Variants in ASAP3 observed in about 807,000 individuals in gnomAD.
The protein encoded by ASAP3 is ArfGAP with SH3 domain, ankyrin repeat and PH domain 3.
ASAP3 carries 85 observed loss-of-function variants against 118.2 expected under a neutral mutation model. The ratio of observed to expected loss-of-function variants is 0.72; its 90% CI spans 0.60 to 0.86. ASAP3 has a LOEUF of 0.86. Ranked by LOEUF, ASAP3 falls within the 40% of genes least tolerant of loss-of-function variation. The pLI is 0.00. For synonymous variants in ASAP3, 432 were observed against 477.4 expected (o/e 0.90, Z 1.24); for missense variants, 1,026 against 1,175.0 (o/e 0.87, Z 1.85).
intron 1 of ASAP3, among the ~76,000 whole-genome samples, chr1:23,476,270 C>T (rs1642125655): frequency 6.6e-6 from 1 of 151,460 alleles, no homozygotes; most frequent in Admixed American, 6.6e-5. Context: ...CGCTTGAACC[C>T]GGGAGGTGGA....
At position 23,436,741 on chromosome 1, in the gene ASAP3, C is replaced by T. The variant is rs1204142717; in HGVS notation, c.1477-87G>A. 3 of 1,574,032 alleles carry T rather than the reference C, an allele frequency of 1.9e-6. No individual in the cohort carries two copies. Among genetic ancestry groups the T allele is most frequent in the African/African-American group, 2.7e-5 (2 of 74,238 alleles). ...GTGGAGCTCCAAGCCCCCAGAGTCCCGCCCCTCGGCCGCCCTCCCGGTTCA... is the reference window on the plus strand; with the variant it reads ...GTGGAGCTCCAAGCCCCCAGAGTCCTGCCCCTCGGCCGCCCTCCCGGTTCA... On this transcript the variant is annotated intron_variant, in intron 15 of 24. Coordinates refer to ENST00000336689, the MANE Select transcript of ASAP3 (RefSeq NM_017707.4). The surrounding 1 kb of genome is among the most constrained non-coding windows in gnomAD (Gnocchi z 4.2).
At chr1:23,452,503 G>A (rs1249530746) in intron 4 of ASAP3, among the ~76,000 whole-genome samples, 194 bp downstream of exon 4, 1 of 152,078 alleles carries the variant, frequency 6.6e-6, no homozygotes, top group Non-Finnish European at 1.5e-5. Flanking sequence ...TTCACACAAG[G>A]GGCCTGGCAG....
intron 5 of ASAP3, among the ~76,000 whole-genome samples, chr1:23,449,198 T>C (rs768679691): frequency 6.6e-6 from 1 of 152,214 alleles, no homozygotes; most frequent in African/African-American, 2.4e-5. Context: ...CTTCCTGTGT[T>C]ATTCTGGTCC....
At chr1:23,478,110 T>C (rs555930901) in intron 1 of ASAP3, among the ~76,000 whole-genome samples, 11 of 152,354 alleles carry the variant, frequency 7.2e-5, no homozygotes, top group South Asian at 2.1e-4. Context: ...GAATGCTCAA[T>C]TGGCATTCAA....
chr1:23,465,698 C>T (rs1272597009), intron 1 of ASAP3, among the ~76,000 whole-genome samples: 3 of 152,028 alleles, frequency 2.0e-5, no homozygotes, highest in Non-Finnish European at 2.9e-5. Flanking sequence ...GACAGGGTTT[C>T]GCCATCTTGA....
intron 1 of ASAP3, among the ~76,000 whole-genome samples, chr1:23,460,876 C>A (rs932267626): frequency 2.0e-5 from 3 of 152,130 alleles, no homozygotes; most frequent in Non-Finnish European, 4.4e-5. Context: ...AAATATTATT[C>A]ATCACTGAAA....
rs1040699924 is a variant in ASAP3 at position 23,436,247 on chromosome 1, C to G, written c.1572-219G>C. The stretch of plus-strand genomic sequence containing the variant: ...GCGCAATCTCGTTTCACTACAACCT[C>G]TGCTTCCAGGGTTCAAGCAATTCTA... On this transcript the variant is annotated intron_variant, in intron 16 of 24. Transcript: ENST00000336689. This position sits in a 1 kb window ranked among gnomAD's most constrained non-coding sequence, Gnocchi z 4.2. 3.3e-5 allele frequency among the ~76,000 whole-genome samples: 5 copies of G among 152,246 alleles called. No individual in the cohort carries two copies. The highest frequency in any genetic ancestry group is 7.3e-5 in the Non-Finnish European group (5 of 68,048).
At position 23,437,176 on chromosome 1, in the gene ASAP3, C is replaced by A; in HGVS notation, c.1296G>T (p.Val432=). 1 of 1,608,100 alleles carries A rather than the reference C, an allele frequency of 6.2e-7. No individual in the cohort carries two copies. The highest frequency in any genetic ancestry group is 8.5e-7 in the Non-Finnish European group (1 of 1,177,642). Residue 432 remains valine (V), a synonymous_variant, in exon 14 of 25, where the codon GTG becomes GTT. Transcript: ENST00000336689. The surrounding 1 kb of genome is among the most constrained non-coding windows in gnomAD (Gnocchi z 6.1). ...ACTGGCTATTCCCAGGCCTGCTCTT[C>A]ACCTCCGCGATGAGCAGCTTTGTGA... The part of the protein sequence containing the change: ...HDLTKLLIAE[V]KSRPGNSQCC...
At chr1:23,444,892 C>G (rs1640999872) in intron 5 of ASAP3, among the ~76,000 whole-genome samples, 1 of 151,438 alleles carries the variant, frequency 6.6e-6, no homozygotes, top group Admixed American at 6.6e-5. Flanking sequence ...GACCTCCACC[C>G]ACTAGCTGCC....
At chr1:23,442,824 C>T (rs1558131498) in intron 5 of ASAP3, among the ~76,000 whole-genome samples, 1 of 152,106 alleles carries the variant, frequency 6.6e-6, no homozygotes, top group Non-Finnish European at 1.5e-5. Context: ...ACGCAGAGAA[C>T]TATGGGAGAG....
Position 23,442,505 on chromosome 1 carries a change from C to T in ASAP3, c.581G>A (p.Cys194Tyr). 2 of 1,613,598 alleles carry T rather than the reference C, an allele frequency of 1.2e-6. No individual in the cohort carries two copies. The highest frequency in any genetic ancestry group is 1.7e-5 in the Admixed American group (1 of 60,010). Residue 194 changes from cysteine (C) to tyrosine (Y), a missense_variant, in exon 6 of 25, where the codon TGT becomes TAT. Cys to Tyr is a radical substitution (Grantham distance 194, BLOSUM62 -2). Transcript: ENST00000336689. ...CTCATCCAGAGCACCCCTTACCTCA[C>T]ACATGTGCAGCTGGAAGATGCGCCG... ...RERRIFQLHM[C>Y]EYLLKAGESQ...
At chr1:23,463,921 C>T (rs1197079556) in intron 1 of ASAP3, among the ~76,000 whole-genome samples, 3 of 152,076 alleles carry the variant, frequency 2.0e-5, no homozygotes, top group Non-Finnish European at 4.4e-5. Flanking sequence ...TACTGTGAGG[C>T]TTAATGAGAT....
At chr1:23,482,701 C>A (rs933758118) in intron 1 of ASAP3, among the ~76,000 whole-genome samples, 1 of 152,050 alleles carries the variant, frequency 6.6e-6, no homozygotes, top group African/African-American at 2.4e-5. Context: ...GTAATCCCAG[C>A]ACTTTGGGAG....
At chr1:23,471,316 G>A (rs1024984935) in intron 1 of ASAP3, among the ~76,000 whole-genome samples, 2 of 152,100 alleles carry the variant, frequency 1.3e-5, no homozygotes, top group Admixed American at 6.6e-5. Flanking sequence ...CAACAGAACT[G>A]ATCCTGCCTA....
intron 5 of ASAP3, among the ~76,000 whole-genome samples, chr1:23,445,901 G>C (rs377576749): frequency 6.6e-6 from 1 of 151,928 alleles, no homozygotes; most frequent in African/African-American, 2.4e-5. Context: ...AGGATCACTT[G>C]AGCCCAGGAG....
intron 5 of ASAP3, among the ~76,000 whole-genome samples, chr1:23,450,757 G>A (rs1001189083): frequency 1.3e-5 from 2 of 152,092 alleles, no homozygotes; most frequent in Non-Finnish European, 2.9e-5. Flanking sequence ...CAAAATGCAA[G>A]AGAAAACAAA....
chr1:23,439,247 TAGA>T lies in ASAP3; in HGVS notation c.945-20_945-18del, dbSNP rs1443781913. ...CTTCGAATTCTAAAGCCCAGAGGGA[TAGA>T]AGGACAGTGACCCAAGGCTCACACC... On this transcript the variant is annotated intron_variant, in intron 10 of 24. Coordinates refer to ENST00000336689, the MANE Select transcript of ASAP3 (RefSeq NM_017707.4). 1.1e-5 allele frequency: 18 copies of T among 1,613,322 alleles called. No individual in the cohort carries two copies. Among genetic ancestry groups the T allele is most frequent in the African/African-American group, 5.3e-5 (4 of 74,914 alleles).
chr1:23,449,727 A>G (rs1021527709), intron 5 of ASAP3, among the ~76,000 whole-genome samples: 2 of 152,210 alleles, frequency 1.3e-5, no homozygotes, highest in Non-Finnish European at 2.9e-5. Flanking sequence ...TCCAGGTCCT[A>G]TCGATAACTC....
chr1:23,437,385 A>C lies in ASAP3; in HGVS notation c.1151+39T>G, dbSNP rs773737179. 52 of 1,611,644 alleles carry C rather than the reference A, an allele frequency of 3.2e-5. 1 individual carries two copies. Among genetic ancestry groups the C allele is most frequent in the Non-Finnish European group, 4.2e-5 (50 of 1,178,798 alleles). On this transcript the variant is annotated intron_variant, in intron 13 of 24. Transcript: ENST00000336689. This position sits in a 1 kb window ranked among gnomAD's most constrained non-coding sequence, Gnocchi z 6.1. ...GGAAGAGATAGGGCCGCCGGCCCCC[A>C]CCCACAAGGCTGGCCGGGCTGGCCG...
Sources: allele counts gnomAD v4.1 joint callset (sites outside exome capture counted in the v4.1 genomes callset), GRCh38; gene constraint gnomAD v4.1.1; non-coding constraint Gnocchi (gnomAD v3.1); transcripts MANE v1.5; gene names NCBI Gene and HGNC (gene_info 2026-07-23, HGNC 2026-07-21).